Variants in SYNE2 observed in about 807,000 individuals in gnomAD.
The protein encoded by SYNE2 is nesprin-2.
SYNE2 carries 431 observed loss-of-function variants against 856.3 expected under a neutral mutation model. The observed-to-expected ratio is 0.50, with a 90% CI of 0.47 to 0.55. SYNE2 has a LOEUF of 0.55. SYNE2 is among the 20% of genes least tolerant of loss of function. The pLI is 0.00. For synonymous variants in SYNE2, 2,923 were observed against 2,872.3 expected (o/e 1.02, Z -0.56); for missense variants, 8,129 against 8,023.2 (o/e 1.01, Z -0.50).
chr14:63,982,941 C>T, intron 17 of SYNE2, 147 bp downstream of exon 17: 1 of 819,020 alleles, frequency 1.2e-6, no homozygotes, highest in Non-Finnish European at 1.9e-6. Flanking sequence ...ATTTTTATTA[C>T]TTCATAAGGA....
At chr14:63,777,752 C>G (rs994940116) in intron 1 of SYNE2, among the ~76,000 whole-genome samples, 1 of 151,992 alleles carries the variant, frequency 6.6e-6, no homozygotes, top group African/African-American at 2.4e-5. Flanking sequence ...CACTGTAACC[C>G]GGAACTCCTG....
intron 96 of SYNE2, among the ~76,000 whole-genome samples, chr14:64,183,450 G>A (rs1415188578): frequency 6.6e-6 from 1 of 151,466 alleles, no homozygotes; most frequent in Non-Finnish European, 1.5e-5. Context: ...CCAGGCAGAG[G>A]GGCTCCTCAC....
intron 1 of SYNE2, among the ~76,000 whole-genome samples, chr14:63,778,568 GC>G (rs1887193162): frequency 2.0e-5 from 3 of 151,786 alleles, no homozygotes; most frequent in Non-Finnish European, 4.4e-5. Flanking sequence ...AGCCTATAGT[GC>G]AGTGGCATGA....
chr14:64,144,624 A>G (rs1055282002), intron 83 of SYNE2, among the ~76,000 whole-genome samples: 1 of 149,716 alleles, frequency 6.7e-6, no homozygotes, highest in Non-Finnish European at 1.5e-5. Context: ...AAAAAAATTA[A>G]TCAGATAAGG....
chr14:64,038,683 A>C (rs1388955720), intron 45 of SYNE2, among the ~76,000 whole-genome samples: 5 of 152,338 alleles, frequency 3.3e-5, no homozygotes, highest in African/African-American at 4.8e-5. Flanking sequence ...TCCATCAAAA[A>C]AATACGAAAA....
At chr14:63,936,198 ATATT>A (rs146261428) in intron 2 of SYNE2, among the ~76,000 whole-genome samples, 1,632 of 152,206 alleles carry the variant, frequency 0.011, 27 homozygotes, top group African/African-American at 0.037. Context: ...ATTTCAGAAA[ATATT>A]TATTTAGGGC....
intron 18 of SYNE2, 120 bp from the exon 19 acceptor site, chr14:63,986,336 G>GTC: frequency 9.5e-7 from 1 of 1,053,426 alleles, no homozygotes; most frequent in Non-Finnish European, 1.4e-6. Context: ...CTAGCCTCAA[G>GTC]CAATCCTCCT....
At chr14:64,211,864 T>A in intron 103 of SYNE2, 97 bp from the exon 104 acceptor site, 1 of 1,567,880 alleles carries the variant, frequency 6.4e-7, no homozygotes, top group Non-Finnish European at 8.8e-7. Flanking sequence ...CTGAGTATTC[T>A]GGGTACCCTT....
intron 85 of SYNE2, 51 bp from the exon 86 acceptor site, chr14:64,158,574 C>T (rs776380261): frequency 1.1e-5 from 18 of 1,586,058 alleles, no homozygotes; most frequent in Admixed American, 3.3e-5. Flanking sequence ...TGTTGGAGAG[C>T]ATGTCTTCTC....
chr14:64,157,325 A>G (rs762823076), intron 85 of SYNE2, among the ~76,000 whole-genome samples: 16 of 152,196 alleles, frequency 1.1e-4, no homozygotes, highest in Non-Finnish European at 2.1e-4. Flanking sequence ...GACGTTTTAT[A>G]TAAATAGAAT....
At position 64,209,188 on chromosome 14, in the gene SYNE2, C is replaced by A. The variant is rs372061968; in HGVS notation, c.18390-240C>A. On this transcript the variant is annotated intron_variant, in intron 101 of 115. Coordinates refer to ENST00000555002, the MANE Select transcript of SYNE2 (RefSeq NM_182914.3). ...GGCCGCTGTGCTTCCGTTGACCTAG[C>A]TGGGCAGTAGTGGAGGCAGCCCTGT... 6.6e-5 allele frequency: 54 copies of A among 817,486 alleles called. No homozygotes were observed. In the African/African-American group the frequency reaches 8.9e-4, roughly 13 times the overall value. The allele number at this position is 817,486 out of a possible 1,614,324, so 50.6% of individuals were successfully genotyped here. A position where few individuals can be genotyped will look rare whatever the true frequency, so the allele number is the denominator to read the frequency against.
At chr14:63,891,906 G>A (rs996858795) in intron 1 of SYNE2, among the ~76,000 whole-genome samples, 2 of 152,064 alleles carry the variant, frequency 1.3e-5, no homozygotes, top group African/African-American at 4.8e-5. Flanking sequence ...CTCTGCCTTT[G>A]CCCATTTGTA....
At chr14:64,194,262 A>T (rs1035954503) in intron 99 of SYNE2, among the ~76,000 whole-genome samples, 5 of 150,692 alleles carry the variant, frequency 3.3e-5, no homozygotes, top group Admixed American at 1.3e-4. Flanking sequence ...AACTTTTTTT[A>T]TCTGTGTCTA....
Position 64,055,514 on chromosome 14 carries a change from G to A in SYNE2, c.9745-430G>A, listed in dbSNP as rs188850937. Among the ~76,000 whole-genome samples the A allele has an allele frequency of 5.6e-3, 855 of 151,532 alleles. 6 individuals are homozygous for A. Among genetic ancestry groups the A allele is most frequent in the African/African-American group, 0.02 (813 of 41,244 alleles). ...CTCCTGAGTAGCTGGGACTACAGGC[G>A]CGCGCCACCACACCCAACTAATTTT... On this transcript the variant is annotated intron_variant, in intron 48 of 115. Coordinates refer to ENST00000555002, the MANE Select transcript of SYNE2 (RefSeq NM_182914.3).
At chr14:63,971,286 T>C (rs1453544490) in intron 11 of SYNE2, among the ~76,000 whole-genome samples, 3 of 152,030 alleles carry the variant, frequency 2.0e-5, no homozygotes, top group Admixed American at 1.3e-4. Flanking sequence ...TAATTTCTTT[T>C]GTATTTTTTT....
rs2097949517 is a variant in SYNE2, at chr14:64,126,699, C to T, written c.13809C>T (p.Leu4603=). The T allele has an allele frequency of 1.2e-6, 2 of 1,614,188 alleles. No homozygotes were observed. The highest frequency in any genetic ancestry group is 4.5e-5 in the East Asian group (2 of 44,886). The change falls in exon 73 of 116, where the codon CTC becomes CTT. Residue 4603 remains leucine (L), a synonymous_variant. Coordinates refer to ENST00000555002, the MANE Select transcript of SYNE2 (RefSeq NM_182914.3). ...GGCCTGGCGAGAACACCAACTTGCT[C>T]CTTGAATGTTTTGACAACCTTCAAG... The part of the protein sequence containing the change: ...MTWPGENTNL[L]LECFDNLQVC...
chr14:63,986,630 A>T lies in SYNE2; in HGVS notation c.2313+13A>T. 6.2e-7 allele frequency: 1 copy of T among 1,613,490 alleles called. No homozygotes were observed. Among genetic ancestry groups the T allele is most frequent in the Non-Finnish European group, 8.5e-7 (1 of 1,179,528 alleles). On this transcript the variant is annotated intron_variant, in intron 19 of 115. Coordinates refer to ENST00000555002, the MANE Select transcript of SYNE2 (RefSeq NM_182914.3). ...AGAATCTTTGAAGGTATGTGTGTAA[A>T]AGTATTAAGAGGGTACTTTCATGGT...
chr14:64,063,018 C>T, intron 50 of SYNE2, 123 bp downstream of exon 50: 1 of 1,108,460 alleles, frequency 9.0e-7, no homozygotes, highest in Non-Finnish European at 1.4e-6. Flanking sequence ...AGTTAAATAT[C>T]CATGAATATT....
intron 2 of SYNE2, among the ~76,000 whole-genome samples, chr14:63,931,336 G>T (rs2095751526): frequency 6.6e-6 from 1 of 152,200 alleles, no homozygotes; most frequent in East Asian, 1.9e-4. Context: ...TGGATCATGA[G>T]GTCAGGAGTT....
Sources: allele counts gnomAD v4.1 joint callset (sites outside exome capture counted in the v4.1 genomes callset), GRCh38; gene constraint gnomAD v4.1.1; transcripts MANE v1.5; gene names NCBI Gene and HGNC (gene_info 2026-07-23, HGNC 2026-07-21).